The following IFT122 variants were observed in gnomAD, a reference collection of about 807,000 sequenced individuals.
The protein encoded by IFT122 is intraflagellar transport 122.
Under a neutral mutation model 161.6 loss-of-function variants are expected in IFT122, and 118 were observed. That is an observed-to-expected ratio of 0.73 (90% CI 0.63 to 0.85). The LOEUF (loss-of-function observed/expected upper bound fraction) is 0.85. Among genes scored for constraint, IFT122 ranks in the 40% least tolerant of loss-of-function variants. The pLI is 0.00. For missense variants in IFT122, 1,381 were observed against 1,579.6 expected (o/e 0.87, Z 2.13); for synonymous variants, 550 against 602.4 (o/e 0.91, Z 1.27).
At chr3:129,513,191 C>A (rs558383101) in intron 24 of IFT122, 1 of 152,318 alleles carries the variant, frequency 6.6e-6, no homozygotes, top group Admixed American at 6.5e-5. Context: ...AGAGCAGGTG[C>A]CTGAAGGGCC....
chr3:129,497,650 C>G (rs926789771), intron 18 of IFT122, among the ~76,000 whole-genome samples: 2 of 152,168 alleles, frequency 1.3e-5, no homozygotes, highest in Non-Finnish European at 2.9e-5. Flanking sequence ...TTTGCTCCGT[C>G]TCTCTATGAA....
At chr3:129,490,124 A>G (rs1195853968) in intron 16 of IFT122, among the ~76,000 whole-genome samples, 1 of 152,130 alleles carries the variant, frequency 6.6e-6, no homozygotes, top group East Asian at 1.9e-4. Flanking sequence ...CAGCCTCCCA[A>G]AGTGCTGGGA....
At chr3:129,448,264 G>A (rs1481555568) in intron 1 of IFT122, among the ~76,000 whole-genome samples, 5 of 152,222 alleles carry the variant, frequency 3.3e-5, no homozygotes, top group African/African-American at 1.2e-4. Context: ...AAGTTTAACA[G>A]GCGAAAGAAA....
intron 5 of IFT122, among the ~76,000 whole-genome samples, chr3:129,462,128 G>A (rs966337460): frequency 6.6e-6 from 1 of 152,198 alleles, no homozygotes; most frequent in African/African-American, 2.4e-5. Context: ...GAATGGAATT[G>A]AAAGCCAATT....
chr3:129,457,567 A>G (rs1559858271), intron 3 of IFT122, among the ~76,000 whole-genome samples: 1 of 152,018 alleles, frequency 6.6e-6, no homozygotes, highest in Non-Finnish European at 1.5e-5. Context: ...CCACTGAAGG[A>G]TCTCATCCTT....
intron 15 of IFT122, chr3:129,487,956 G>T: frequency 4.2e-6 from 2 of 470,602 alleles, no homozygotes; most frequent in Non-Finnish European, 4.0e-6. Flanking sequence ...GTGGGGAGGG[G>T]CAAAGGCATT....
intron 15 of IFT122, chr3:129,487,992 G>A (rs768693229): frequency 1.4e-4 from 75 of 536,044 alleles, no homozygotes; most frequent in Non-Finnish European, 2.1e-4. Flanking sequence ...ATCCTATGGC[G>A]AGGCAGGCCT....
In IFT122 at chr3:129,495,508, G is replaced by T; in HGVS notation, c.2109G>T (p.Gln703His). Reference protein sequence around the residue: ...DLFLADVFSYQGKFHEAAKLY... With the variant: ...DLFLADVFSYHGKFHEAAKLY... ...TTCTGGCAGATGTGTTTTCCTACCA[G>T]GGGAAGTTCCATGAGGCCGCCAAAC... is the stretch of plus-strand genomic sequence containing the variant. The change falls in exon 18 of 30, where the codon CAG (glutamine) becomes CAT (histidine). Residue 703 changes from glutamine (Q) to histidine (H), a missense_variant. Around this residue, in one of 7 missense-constraint regions of IFT122, gnomAD observed 496 missense variants for 502.5 expected, o/e 0.99. Coordinates refer to ENST00000348417, the MANE Select transcript of IFT122 (RefSeq NM_052989.3). 1 of 1,614,186 alleles carries T rather than the reference G, an allele frequency of 6.2e-7. No individual in the cohort carries two copies. Among genetic ancestry groups the T allele is most frequent in the Non-Finnish European group, 8.5e-7 (1 of 1,180,038 alleles).
chr3:129,465,566 G>A (rs2076662793), intron 7 of IFT122, among the ~76,000 whole-genome samples: 1 of 149,638 alleles, frequency 6.7e-6, no homozygotes, highest in African/African-American at 2.5e-5. Flanking sequence ...CACCTCTCGG[G>A]TTCACGCAGT....
intron 25 of IFT122, 93 bp downstream of exon 25, chr3:129,514,647 G>T (rs2083255049): frequency 7.0e-6 from 10 of 1,419,040 alleles, no homozygotes; most frequent in Non-Finnish European, 7.9e-6. Flanking sequence ...TTTGAAGAGA[G>T]ACAGCTGCAG....
intron 3 of IFT122, among the ~76,000 whole-genome samples, chr3:129,457,091 G>C (rs1427016544): frequency 6.6e-6 from 1 of 152,198 alleles, no homozygotes; most frequent in Non-Finnish European, 1.5e-5. Flanking sequence ...AAGATGTACA[G>C]AATGTGGCAC....
At chr3:129,517,730 G>A in intron 27 of IFT122, 136 bp downstream of exon 27, 1 of 1,212,340 alleles carries the variant, frequency 8.2e-7, no homozygotes, top group Non-Finnish European at 1.2e-6. Flanking sequence ...AGAGATTGGA[G>A]AGGCCCACAT....
chr3:129,485,016 C>G (rs2079106684), intron 15 of IFT122, among the ~76,000 whole-genome samples: 1 of 152,222 alleles, frequency 6.6e-6, no homozygotes, highest in African/African-American at 2.4e-5. Context: ...TCCCTCCTGC[C>G]TGGTCCCCAC....
chr3:129,517,886 A>G (rs934061416), intron 27 of IFT122, among the ~76,000 whole-genome samples: 8 of 152,108 alleles, frequency 5.3e-5, no homozygotes, highest in African/African-American at 1.9e-4. Flanking sequence ...CTGTCTGTGC[A>G]TAGCTCCTGC....
chr3:129,508,008 G>A (rs1345954881), intron 23 of IFT122, among the ~76,000 whole-genome samples: 2 of 152,248 alleles, frequency 1.3e-5, no homozygotes, highest in Non-Finnish European at 2.9e-5. Flanking sequence ...TAGTTCCTCA[G>A]TGCAGGCTTT....
intron 20 of IFT122, 43 bp from the exon 21 acceptor site, chr3:129,504,276 G>A: frequency 6.7e-7 from 1 of 1,489,122 alleles, no homozygotes; most frequent in Non-Finnish European, 9.4e-7. Flanking sequence ...CATGGGGGCT[G>A]CAGGGGCAGC....
chr3:129,517,426 G>A, intron 26 of IFT122, 43 bp from the exon 27 acceptor site: 1 of 1,609,826 alleles, frequency 6.2e-7, no homozygotes, highest in Non-Finnish European at 8.5e-7. Flanking sequence ...CAAGTCCTTT[G>A]CAAGGCCTCC....
At chr3:129,479,105 A>G (rs933594378) in intron 12 of IFT122, among the ~76,000 whole-genome samples, 2 of 151,934 alleles carry the variant, frequency 1.3e-5, no homozygotes, top group African/African-American at 4.8e-5. Context: ...TGTAGTGTAA[A>G]ATACTATTAA....
At chr3:129,458,788 G>C in intron 4 of IFT122, 111 bp downstream of exon 4, 1 of 805,196 alleles carries the variant, frequency 1.2e-6, no homozygotes, top group Non-Finnish European at 2.1e-6. Context: ...AATTGAACTT[G>C]AAATTAAGTT....
Sources: allele counts gnomAD v4.1 joint callset (sites outside exome capture counted in the v4.1 genomes callset), GRCh38; gene constraint gnomAD v4.1.1; regional missense constraint gnomAD v4.1.1; transcripts MANE v1.5; gene names NCBI Gene and HGNC (gene_info 2026-07-23, HGNC 2026-07-21).